The following ARHGAP15 variants were observed in gnomAD, a reference collection of about 807,000 sequenced individuals.
ARHGAP15 encodes rho GTPase-activating protein 15.
Under a neutral mutation model 63.7 loss-of-function variants are expected in ARHGAP15, and 51 were observed. That is an observed-to-expected ratio of 0.80 (90% CI 0.64 to 1.01). The LOEUF (loss-of-function observed/expected upper bound fraction) is 1.01. Ranked by LOEUF, ARHGAP15 falls within the 50% of genes least tolerant of loss-of-function variation. ARHGAP15 has a pLI of 0.00. For synonymous variants in ARHGAP15, 191 were observed against 193.8 expected (o/e 0.99, Z 0.12); for missense variants, 560 against 564.6 (o/e 0.99, Z 0.08).
intron 2 of ARHGAP15, among the ~76,000 whole-genome samples, chr2:143,161,288 T>C (rs1008885148): frequency 6.6e-6 from 1 of 151,918 alleles, no homozygotes; most frequent in African/African-American, 2.4e-5. Context: ...ATAGAGTAAT[T>C]AGCTAGAATG....
At chr2:143,573,834 A>G (rs1696559123) in intron 11 of ARHGAP15, among the ~76,000 whole-genome samples, 1 of 152,120 alleles carries the variant, frequency 6.6e-6, no homozygotes, top group African/African-American at 2.4e-5. Flanking sequence ...ACGAGTGACA[A>G]ATCTTTGATG....
chr2:143,321,597 A>C (rs1265225070), intron 6 of ARHGAP15, among the ~76,000 whole-genome samples: 1 of 152,252 alleles, frequency 6.6e-6, no homozygotes, highest in Non-Finnish European at 1.5e-5. Flanking sequence ...CTGGACTGAG[A>C]TCCTCTGCCA....
chr2:143,328,342 A>C (rs561344575), intron 6 of ARHGAP15, among the ~76,000 whole-genome samples: 12 of 152,286 alleles, frequency 7.9e-5, no homozygotes, highest in Admixed American at 7.2e-4. Flanking sequence ...AACCAACCCA[A>C]ATGTCCATTA....
intron 6 of ARHGAP15, among the ~76,000 whole-genome samples, chr2:143,361,948 G>T (rs1686073905): frequency 6.6e-6 from 1 of 152,154 alleles, no homozygotes; most frequent in South Asian, 2.1e-4. Flanking sequence ...AGTTCTCCGT[G>T]ATCTGGCTAC....
chr2:143,161,489 G>A (rs760975230), intron 2 of ARHGAP15, among the ~76,000 whole-genome samples: 6 of 151,582 alleles, frequency 4.0e-5, no homozygotes, highest in Non-Finnish European at 5.9e-5. Context: ...TAGGAGTTCC[G>A]TCTTTGAATT....
chr2:143,467,271 CTT>C (rs1691271509), intron 8 of ARHGAP15, among the ~76,000 whole-genome samples: 1 of 37,292 alleles, frequency 2.7e-5, no homozygotes, highest in African/African-American at 9.6e-5. Flanking sequence ...TTTTTGCAGT[CTT>C]TTGTTTGATT....
chr2:143,688,411 A>G (rs2381553), intron 12 of ARHGAP15, among the ~76,000 whole-genome samples: 51,867 of 152,042 alleles, frequency 0.34, 9,131 homozygotes, highest in Non-Finnish European at 0.37. Context: ...ATAATCATCA[A>G]ATGCCCCCAG....
intron 3 of ARHGAP15, among the ~76,000 whole-genome samples, chr2:143,212,139 T>TAA (rs71404467): frequency 8.6e-5 from 13 of 151,576 alleles, no homozygotes; most frequent in South Asian, 4.2e-4. Flanking sequence ...AGCCTTCTCA[T>TAA]AAAAAAAAAT....
At chr2:143,460,019 G>T (rs1035431236) in intron 8 of ARHGAP15, among the ~76,000 whole-genome samples, 1 of 152,056 alleles carries the variant, frequency 6.6e-6, no homozygotes, top group Admixed American at 6.6e-5. Flanking sequence ...TTAAATATCT[G>T]TTAAATAAGT....
intron 6 of ARHGAP15, among the ~76,000 whole-genome samples, chr2:143,332,688 G>C (rs1028056225): frequency 6.6e-6 from 1 of 152,066 alleles, no homozygotes; most frequent in African/African-American, 2.4e-5. Flanking sequence ...AGGTTACGCC[G>C]ATTGCTTTTA....
intron 11 of ARHGAP15, among the ~76,000 whole-genome samples, chr2:143,559,142 A>G (rs1423287771): frequency 6.6e-6 from 1 of 152,178 alleles, no homozygotes; most frequent in Non-Finnish European, 1.5e-5. Context: ...GGGATTCTAG[A>G]CAGCTGGGCA....
intron 1 of ARHGAP15, among the ~76,000 whole-genome samples, chr2:143,138,614 G>A (rs1039771977): frequency 3.3e-5 from 5 of 152,084 alleles, no homozygotes; most frequent in African/African-American, 9.7e-5. Flanking sequence ...TACTGCAGGT[G>A]TCTTTCCTCT....
At chr2:143,344,043 C>CATA (rs1325587579) in intron 6 of ARHGAP15, 3 of 152,072 alleles carry the variant, frequency 2.0e-5, no homozygotes, top group Non-Finnish European at 4.4e-5. Flanking sequence ...AACAAACTTA[C>CATA]ATAAAAAACA....
intron 6 of ARHGAP15, among the ~76,000 whole-genome samples, chr2:143,328,133 A>C (rs1411092366): frequency 1.3e-5 from 2 of 152,234 alleles, no homozygotes; most frequent in African/African-American, 2.4e-5. Flanking sequence ...GAACACTTTT[A>C]CACTATTGGT....
Position 143,388,861 on chromosome 2 carries a change from TCA to T in ARHGAP15, c.475-46739_475-46738del, listed in dbSNP as rs1394289650. 5.3e-5 allele frequency among the ~76,000 whole-genome samples: 8 copies of T among 152,182 alleles called. No homozygotes were observed. The East Asian group carries it at 1.5e-3, about 29-fold the overall frequency. ...TGTAAAATCTTTTTAAAGGATTAATTCAGTTATGTTATAATTAAGTATAAACA... is the reference window on the plus strand; with the variant it reads ...TGTAAAATCTTTTTAAAGGATTAATTGTTATGTTATAATTAAGTATAAACA... On this transcript the variant is annotated intron_variant, in intron 6 of 13. Coordinates refer to ENST00000295095, the MANE Select transcript of ARHGAP15 (RefSeq NM_018460.4).
intron 6 of ARHGAP15, among the ~76,000 whole-genome samples, chr2:143,378,974 TA>T (rs1574360154): frequency 6.6e-6 from 1 of 151,836 alleles, no homozygotes; most frequent in Non-Finnish European, 1.5e-5. Flanking sequence ...TTTTTTTAAT[TA>T]TTTTTTTATT....
chr2:143,317,217 GT>G (rs745716768), intron 6 of ARHGAP15, among the ~76,000 whole-genome samples: 6,842 of 152,170 alleles, frequency 0.045, no homozygotes, highest in Non-Finnish European at 0.066. Flanking sequence ...GCCTATAAGA[GT>G]ACCAGATAAA....
chr2:143,668,837 G>A (rs1682371778), intron 12 of ARHGAP15, among the ~76,000 whole-genome samples: 1 of 152,044 alleles, frequency 6.6e-6, no homozygotes. Flanking sequence ...AAGGATCTAG[G>A]CCACAAAATT....
chr2:143,617,591 C>A (rs957789908), intron 11 of ARHGAP15, among the ~76,000 whole-genome samples: 1 of 152,106 alleles, frequency 6.6e-6, no homozygotes, highest in Non-Finnish European at 1.5e-5. Flanking sequence ...CCATAATTAC[C>A]TCTTTAAAGA....
Sources: allele counts gnomAD v4.1 joint callset (sites outside exome capture counted in the v4.1 genomes callset), GRCh38; gene constraint gnomAD v4.1.1; transcripts MANE v1.5; gene names NCBI Gene and HGNC (gene_info 2026-07-23, HGNC 2026-07-21).